Variants in CRBN observed in about 807,000 individuals in gnomAD.
The protein encoded by CRBN is protein cereblon.
CRBN carries 53 observed loss-of-function variants against 62.2 expected under a neutral mutation model. The observed-to-expected ratio is 0.85, with a 90% confidence interval of 0.68 to 1.07. CRBN has a LOEUF of 1.07. Ranked by LOEUF, CRBN falls within the 50% of genes least tolerant of loss-of-function variation. The probability of loss-of-function intolerance (pLI) is 0.00; values close to 1 mark genes in which losing one functional copy is unlikely to be tolerated. For synonymous variants in CRBN, 208 were observed against 176.1 expected (o/e 1.18, Z -1.43); for missense variants, 616 against 531.1 (o/e 1.16, Z -1.57).
chr3:3,175,334 C>T (rs1707791438), intron 1 of CRBN, 65 bp from the exon 2 acceptor site: 5 of 1,201,724 alleles, frequency 4.2e-6, no homozygotes, highest in South Asian at 3.7e-5. Flanking sequence ...ACATGTAATT[C>T]CTTCTTCAAA....
intron 4 of CRBN, 73 bp from the exon 5 acceptor site, chr3:3,167,866 G>T: frequency 6.9e-7 from 1 of 1,443,482 alleles, no homozygotes; most frequent in Non-Finnish European, 9.7e-7. Context: ...TTTCTAAACA[G>T]TGATAATTTT....
intron 1 of CRBN, among the ~76,000 whole-genome samples, chr3:3,178,826 C>CAT (rs1157555333): frequency 6.6e-6 from 1 of 152,110 alleles, no homozygotes; most frequent in Non-Finnish European, 1.5e-5. Context: ...TTGGATGATA[C>CAT]ACCTTTTGGA....
At chr3:3,170,143 C>A (rs1245916573) in intron 4 of CRBN, among the ~76,000 whole-genome samples, 2 of 152,104 alleles carry the variant, frequency 1.3e-5, no homozygotes, top group South Asian at 2.1e-4. Context: ...CCATGCCCAG[C>A]TAATTTCTTG....
At chr3:3,165,813 C>T (rs769066523) in intron 5 of CRBN, among the ~76,000 whole-genome samples, 34 of 152,096 alleles carry the variant, frequency 2.2e-4, no homozygotes, top group African/African-American at 4.8e-4. Flanking sequence ...TACATCACTA[C>T]GTGAATATTC....
chr3:3,155,506 G>A (rs894839886), intron 6 of CRBN: 2 of 153,002 alleles, frequency 1.3e-5, no homozygotes, highest in African/African-American at 4.8e-5. Context: ...GGCCCACAGA[G>A]TAAGTGACAG....
chr3:3,160,640 T>C (rs1048781416), intron 5 of CRBN, among the ~76,000 whole-genome samples: 1 of 152,218 alleles, frequency 6.6e-6, no homozygotes, highest in African/African-American at 2.4e-5. Flanking sequence ...GTTCTTACGA[T>C]TATTATCCTG....
At chr3:3,160,271 A>G (rs1707082631) in intron 5 of CRBN, among the ~76,000 whole-genome samples, 1 of 152,262 alleles carries the variant, frequency 6.6e-6, no homozygotes, top group Non-Finnish European at 1.5e-5. Flanking sequence ...AAACATAAAT[A>G]GTAAATCACT....
At chr3:3,152,992 TG>T (rs2126052300) in intron 9 of CRBN, 1 of 296,094 alleles carries the variant, frequency 3.4e-6, no homozygotes, top group Non-Finnish European at 6.4e-6. Flanking sequence ...GATTTACAAC[TG>T]ATGGATTTGT....
At chr3:3,154,898 C>G in intron 6 of CRBN, 67 bp from the exon 7 acceptor site, 1 of 904,594 alleles carries the variant, frequency 1.1e-6, no homozygotes, top group Non-Finnish European at 1.9e-6. Context: ...TTAAGCTTTT[C>G]AACTCTTAAA....
chr3:3,160,822 GAGA>G (rs1188922856), intron 5 of CRBN, among the ~76,000 whole-genome samples: 1 of 152,158 alleles, frequency 6.6e-6, no homozygotes, highest in African/African-American at 2.4e-5. Flanking sequence ...CAGACCAAAA[GAGA>G]AGAAAAGTAA....
At chr3:3,173,017 T>G (rs1032753357) in intron 3 of CRBN, 92 bp from the exon 4 acceptor site, 10 of 923,506 alleles carry the variant, frequency 1.1e-5, no homozygotes, top group Non-Finnish European at 1.4e-5. Flanking sequence ...GGTAAACAAT[T>G]TATAGAATCA....
At chr3:3,151,185 C>T (rs567918415) in intron 10 of CRBN, 140 bp from the exon 11 acceptor site, 309 of 857,458 alleles carry the variant, frequency 3.6e-4, no homozygotes, top group Non-Finnish European at 5.3e-4. Context: ...CCATACAGTT[C>T]CCTGAAACCT....
rs765406182 is a variant in CRBN, at chr3:3,174,051, T to C, written c.377+8A>G. The C allele has an allele frequency of 6.2e-7, 1 of 1,611,098 alleles. No individual in the cohort carries two copies. Among genetic ancestry groups the C allele is most frequent in the South Asian group, 1.1e-5 (1 of 91,016 alleles). The stretch of plus-strand genomic sequence containing the variant: ...AATGTATTAAGCAAATGGACTCTAA[T>C]ATTTTACCTGTATGCAAGAACAGCA... On this transcript the variant is annotated splice_region_variant and intron_variant, in intron 3 of 10. Coordinates refer to ENST00000231948, the MANE Select transcript of CRBN (RefSeq NM_016302.4).
chr3:3,155,562 T>C (rs1411299484), intron 6 of CRBN: 1 of 153,146 alleles, frequency 6.5e-6, no homozygotes, highest in East Asian at 1.9e-4. Flanking sequence ...CCAGATTCTT[T>C]AAACCATTTC....
At chr3:3,160,638 G>C (rs1391718457) in intron 5 of CRBN, among the ~76,000 whole-genome samples, 3 of 152,086 alleles carry the variant, frequency 2.0e-5, no homozygotes, top group Non-Finnish European at 2.9e-5. Context: ...CTGTTCTTAC[G>C]ATTATTATCC....
rs369965416 is a variant in CRBN at position 3,150,919 on chromosome 3, C to A, written c.1275G>T (p.Thr425=). The A allele has an allele frequency of 1.9e-6, 3 of 1,613,908 alleles. No homozygotes were observed. Among genetic ancestry groups the A allele is most frequent in the Non-Finnish European group, 1.7e-6 (2 of 1,179,938 alleles). The change falls in exon 11 of 11, where the codon ACG becomes ACT. Residue 425 remains threonine (T), a synonymous_variant. Coordinates refer to ENST00000231948, the MANE Select transcript of CRBN (RefSeq NM_016302.4). ...WGLTRSALLP[T]IPDTEDEISP... ...TTATTTCATCTTCAGTGTCTGGGAT[C>A]GTGGGCAACAGAGCAGATCGCGTTA...
intron 10 of CRBN, 116 bp downstream of exon 10, chr3:3,152,340 T>G: frequency 1.7e-6 from 2 of 1,163,450 alleles, no homozygotes; most frequent in Non-Finnish European, 2.5e-6. Context: ...AAATTACTCA[T>G]TTGTCTGTCT....
At chr3:3,155,447 G>A (rs116620052) in intron 6 of CRBN, 2,946 of 153,582 alleles carry the variant, frequency 0.019, 87 homozygotes, top group African/African-American at 0.066. Context: ...AGGTACAATA[G>A]CTACCATTAT....
chr3:3,174,316 A>G, intron 2 of CRBN, 55 bp from the exon 3 acceptor site: 1 of 1,354,822 alleles, frequency 7.4e-7, no homozygotes, highest in Non-Finnish European at 1.1e-6. Context: ...ATAAAAATGT[A>G]AGCTCAACAG....
Sources: allele counts gnomAD v4.1 joint callset (sites outside exome capture counted in the v4.1 genomes callset), GRCh38; gene constraint gnomAD v4.1.1; transcripts MANE v1.5; gene names NCBI Gene and HGNC (gene_info 2026-07-23, HGNC 2026-07-21).